Variants in NCOA2 observed in about 807,000 individuals in gnomAD.
NCOA2 encodes the protein nuclear receptor coactivator 2.
In NCOA2, 21 loss-of-function variants were observed where a neutral mutation model predicts 145.1. The observed-to-expected ratio is 0.14, with a 90% confidence interval of 0.10 to 0.21. NCOA2 has a LOEUF of 0.21. Among genes scored for constraint, NCOA2 ranks in the 10% least tolerant of loss-of-function variants. The pLI is 1.00. For synonymous variants in NCOA2, 619 were observed against 637.5 expected, an observed-to-expected ratio of 0.97 and a Z score of 0.44; for missense variants, 1,472 against 1,837.6, an observed-to-expected ratio of 0.80 and a Z score of 3.64.
At chr8:70,345,963 T>C (rs1277222434) in intron 1 of NCOA2, among the ~76,000 whole-genome samples, 6 of 152,160 alleles carry the variant, frequency 3.9e-5, no homozygotes, top group African/African-American at 1.4e-4. Context: ...GTTGTGATTG[T>C]TGTAGTCTCA....
intron 14 of NCOA2, among the ~76,000 whole-genome samples, chr8:70,140,503 T>G (rs995007415): frequency 6.6e-6 from 1 of 152,002 alleles, no homozygotes; most frequent in Admixed American, 6.6e-5. Context: ...GATTTAGTAG[T>G]CTAGGTGGTG....
Position 70,403,725 on chromosome 8 carries a change from G to A in NCOA2, c.-102C>T. 1.0e-5 allele frequency: 4 copies of A among 397,010 alleles called. No individual in the cohort carries two copies. Among genetic ancestry groups the A allele is most frequent in the Non-Finnish European group, 1.8e-5 (4 of 224,990 alleles). The allele number at this position is 397,010 out of a possible 1,614,324, so 24.6% of individuals were successfully genotyped here. ...CGGCTCGGGTCGGTCACGCCGTCAG[G>A]TGCCGGCTGCCGTCGGCGCTGACCT... On this transcript the variant is annotated 5_prime_UTR_variant, in exon 1 of 23. Coordinates refer to ENST00000452400, the MANE Select transcript of NCOA2 (RefSeq NM_006540.4).
intron 2 of NCOA2, among the ~76,000 whole-genome samples, chr8:70,296,388 A>AATGAGAAAT (rs895098651): frequency 6.6e-6 from 1 of 152,194 alleles, no homozygotes; most frequent in Non-Finnish European, 1.5e-5. Flanking sequence ...TTTGCTAAGA[A>AATGAGAAAT]ATGAGAAATA....
chr8:70,409,166 T>A, the NCOA2 span, among the ~76,000 whole-genome samples: 5 of 152,264 alleles, frequency 3.3e-5, no homozygotes, highest in South Asian at 1.0e-3. Context: ...GCAATCCCAA[T>A]CAAAATCCCA....
Position 70,133,071 on chromosome 8 carries a change from G to GGTGTGT in NCOA2, c.3159-1075_3159-1070dup, listed in dbSNP as rs148660851. On this transcript the variant is annotated intron_variant, in intron 15 of 22. Transcript: ENST00000452400. ...AATTGTCAGATTAGAGTAGAGGAGGGGTGTGTGTGTGTGTGTGTGTGTATG... is the reference window on the plus strand; with the variant it reads ...AATTGTCAGATTAGAGTAGAGGAGGGGTGTGTGTGTGTGTGTGTGTGTGTGTGTATG... Among the ~76,000 whole-genome samples, 1,196 of 148,800 alleles carry GGTGTGT rather than the reference G, an allele frequency of 8.0e-3. 27 individuals carry two copies. In the East Asian group the frequency reaches 0.088, roughly 11 times the overall value.
At chr8:70,410,239 A>G in the NCOA2 span, among the ~76,000 whole-genome samples, 2 of 152,132 alleles carry the variant, frequency 1.3e-5, no homozygotes, top group Non-Finnish European at 2.9e-5. Context: ...ACAATATCAA[A>G]TACTGGGGAG....
the NCOA2 span, among the ~76,000 whole-genome samples, chr8:70,446,910 T>G: frequency 1.3e-5 from 2 of 152,234 alleles, no homozygotes; most frequent in African/African-American, 4.8e-5. Context: ...CGATTTGTCC[T>G]GTCCTTGGAA....
chr8:70,266,878 T>TCAAC lies in NCOA2; in HGVS notation c.-20+29862_-20+29865dup, dbSNP rs548183761. Among the ~76,000 whole-genome samples, 636 of 152,314 alleles carry TCAAC rather than the reference T, an allele frequency of 4.2e-3. 6 individuals are homozygous for TCAAC. The highest frequency in any genetic ancestry group is 0.015 in the African/African-American group (607 of 41,560). Reference sequence around the variant, plus strand: ...CTTTTTGTTAATGTATATGTCAACCTCAACTACATTATGTGCTTCTTAAAG... The same window carrying TCAAC: ...CTTTTTGTTAATGTATATGTCAACCTCAACCAACTACATTATGTGCTTCTTAAAG... On this transcript the variant is annotated intron_variant, in intron 2 of 22. Coordinates refer to ENST00000452400, the MANE Select transcript of NCOA2 (RefSeq NM_006540.4).
chr8:70,305,354 A>G (rs1043782701), intron 1 of NCOA2, among the ~76,000 whole-genome samples: 1 of 152,118 alleles, frequency 6.6e-6, no homozygotes, highest in Non-Finnish European at 1.5e-5. Flanking sequence ...AGAGAGGTCA[A>G]ATCTATCAAC....
rs538847785 is a variant in NCOA2, at chr8:70,216,677, A to T, written c.69T>A (p.Pro23=). The T allele has an allele frequency of 6.2e-7, 1 of 1,613,414 alleles. No individual in the cohort carries two copies. Among genetic ancestry groups the T allele is most frequent in the East Asian group, 2.2e-5 (1 of 44,888 alleles). ...AATCTAACCTGGGTCCAAGTTGGTCAGGACATTCCTTGCGCTTTCTTGTCT... is the reference window on the plus strand; with the variant it reads ...AATCTAACCTGGGTCCAAGTTGGTCTGGACATTCCTTGCGCTTTCTTGTCT... ...RAETRKRKEC[P]DQLGPSPKRN... The change falls in exon 3 of 23, where the codon CCT becomes CCA. Residue 23 remains proline (P), a synonymous_variant. Transcript: ENST00000452400.
chr8:70,163,599 G>A, intron 7 of NCOA2, 33 bp from the exon 8 acceptor site: 3 of 1,554,498 alleles, frequency 1.9e-6, no homozygotes, highest in Non-Finnish European at 1.8e-6. Context: ...TTATCATATT[G>A]GGCTTTTCTA....
intron 1 of NCOA2, among the ~76,000 whole-genome samples, chr8:70,302,908 A>C (rs1827618997): frequency 6.6e-6 from 1 of 152,180 alleles, no homozygotes; most frequent in Non-Finnish European, 1.5e-5. Context: ...ATACACATCC[A>C]CTATTTACAT....
chr8:70,219,651 G>A (rs188709355), intron 2 of NCOA2, among the ~76,000 whole-genome samples: 26 of 152,014 alleles, frequency 1.7e-4, no homozygotes, highest in African/African-American at 6.0e-4. Context: ...TGGGGGGAGC[G>A]AATGTAACAC....
At chr8:70,384,289 G>C (rs557376506) in intron 1 of NCOA2, among the ~76,000 whole-genome samples, 13 of 150,994 alleles carry the variant, frequency 8.6e-5, no homozygotes, top group Non-Finnish European at 1.8e-4. Flanking sequence ...ACAAATACTT[G>C]ATTTTGGTGA....
chr8:70,282,114 A>C (rs1012212635), intron 2 of NCOA2, among the ~76,000 whole-genome samples: 24 of 152,330 alleles, frequency 1.6e-4, no homozygotes, highest in African/African-American at 5.5e-4. Context: ...TAGTGTGTAC[A>C]TATATATGCT....
Position 70,217,318 on chromosome 8 carries a change from A to G in NCOA2, c.-19-554T>C, listed in dbSNP as rs528009031. Among the ~76,000 whole-genome samples, 5 of 152,258 alleles carry G rather than the reference A, an allele frequency of 3.3e-5. No individual in the cohort carries two copies. The South Asian group carries it at 1.0e-3, about 32-fold the overall frequency. On this transcript the variant is annotated intron_variant, in intron 2 of 22. Coordinates refer to ENST00000452400, the MANE Select transcript of NCOA2 (RefSeq NM_006540.4). ...GTTCCTGCACAAGGCCTCTTAATCA[A>G]TGCCCCCTAGTGGGGGATCTTCCTG...
chr8:70,377,020 T>C (rs956075555), intron 1 of NCOA2, among the ~76,000 whole-genome samples: 7 of 151,878 alleles, frequency 4.6e-5, no homozygotes, highest in African/African-American at 1.7e-4. Flanking sequence ...TTTCCACAGA[T>C]GACGATGATG....
chr8:70,351,266 T>C (rs1017198205), intron 1 of NCOA2, among the ~76,000 whole-genome samples: 1 of 152,212 alleles, frequency 6.6e-6, no homozygotes, highest in Non-Finnish European at 1.5e-5. Flanking sequence ...ATGATTGATA[T>C]GAAGAGTAAT....
intron 3 of NCOA2, among the ~76,000 whole-genome samples, chr8:70,214,490 A>T (rs1407978646): frequency 2.0e-5 from 3 of 152,256 alleles, no homozygotes; most frequent in African/African-American, 7.2e-5. Context: ...CCAGTTAATA[A>T]CAGGAATAAA....
Sources: gnomAD v4.1 joint callset for allele counts (sites outside exome capture counted in the v4.1 genomes callset) on GRCh38, gnomAD v4.1.1 for gene constraint, MANE v1.5 for transcripts, NCBI Gene and HGNC (gene_info 2026-07-23, HGNC 2026-07-21) for gene names.